Variants in SYT16 observed in about 807,000 individuals in gnomAD.
SYT16 encodes synaptotagmin-16.
In SYT16, 42 loss-of-function variants were observed where a neutral mutation model predicts 61.4. The observed-to-expected ratio is 0.68, with a 90% CI of 0.53 to 0.89. SYT16 has a LOEUF of 0.89. Ranked by LOEUF, SYT16 falls within the 40% of genes least tolerant of loss-of-function variation. SYT16 has a pLI of 0.00. For missense variants in SYT16, 804 were observed against 807.3 expected (o/e 1.00, Z 0.05); for synonymous variants, 314 against 302.3 (o/e 1.04, Z -0.40).
intron 1 of SYT16, among the ~76,000 whole-genome samples, chr14:61,836,763 G>T (rs2046143527): frequency 6.6e-6 from 1 of 152,196 alleles, no homozygotes; most frequent in African/African-American, 2.4e-5. Flanking sequence ...AAGCTTGTTA[G>T]CCATTCAGTC....
At chr14:62,112,777 T>G (rs17735280), downstream of SYT16, among the ~76,000 whole-genome samples, 1 of 152,078 alleles carries the variant, frequency 6.6e-6, no homozygotes, top group African/African-American at 2.4e-5. Flanking sequence ...GGTGAACACA[T>G]ATACAAATCA....
rs946312820 is a variant in SYT16, at chr14:61,999,074, A to AT, written c.523+2542dup. Reference sequence around the variant, plus strand: ...TAGTCTTTGCTAAAGATTTTTTTCCATTTTTTTTTTAGGGATATTGGTCTG... The same window carrying AT: ...TAGTCTTTGCTAAAGATTTTTTTCCATTTTTTTTTTTAGGGATATTGGTCTG... On this transcript the variant is annotated intron_variant, in intron 3 of 7. Coordinates refer to ENST00000683842, the MANE Select transcript of SYT16 (RefSeq NM_001367656.1). Among the ~76,000 whole-genome samples, 309 of 144,974 alleles carry AT rather than the reference A, an allele frequency of 2.1e-3. 1 individual carries two copies. Among genetic ancestry groups the AT allele is most frequent in the African/African-American group, 6.3e-3 (252 of 39,720 alleles).
At chr14:61,985,130 A>C (rs1016089498) in intron 2 of SYT16, among the ~76,000 whole-genome samples, 1 of 152,230 alleles carries the variant, frequency 6.6e-6, no homozygotes, top group African/African-American at 2.4e-5. Context: ...CTAACAGCCC[A>C]GTCATCAAGG....
chr14:61,997,258 A>G (rs1428376077), intron 3 of SYT16, among the ~76,000 whole-genome samples: 7 of 152,066 alleles, frequency 4.6e-5, no homozygotes, highest in Non-Finnish European at 1.0e-4. Flanking sequence ...AGGACATTCC[A>G]CCTGGTTAAG....
intron 1 of SYT16, chr14:61,865,187 G>T: frequency 8.7e-7 from 1 of 1,154,678 alleles, no homozygotes. Context: ...TCGTGTTTCT[G>T]TCACTGACTA....
At chr14:62,017,121 G>T (rs989392117) in intron 3 of SYT16, among the ~76,000 whole-genome samples, 5 of 152,042 alleles carry the variant, frequency 3.3e-5, no homozygotes, top group Non-Finnish European at 5.9e-5. Flanking sequence ...GAATTGCGGG[G>T]ATTTAAAAAA....
chr14:61,836,008 A>C (rs1476887428), intron 1 of SYT16, among the ~76,000 whole-genome samples: 1 of 152,328 alleles, frequency 6.6e-6, no homozygotes, highest in Non-Finnish European at 1.5e-5. Flanking sequence ...AACTTGTTAG[A>C]AATTTAATTA....
chr14:61,941,417 C>T (rs1356500243), intron 1 of SYT16, among the ~76,000 whole-genome samples: 3 of 152,210 alleles, frequency 2.0e-5, no homozygotes, highest in African/African-American at 4.8e-5. Context: ...GGAAGGGTGA[C>T]AGTTTCAGTT....
intron 3 of SYT16, among the ~76,000 whole-genome samples, chr14:62,014,700 C>T (rs2053595632): frequency 6.6e-6 from 1 of 152,090 alleles, no homozygotes; most frequent in Admixed American, 6.5e-5. Flanking sequence ...TCCCGAAGGG[C>T]TGGGATTACA....
At chr14:61,814,602 T>C (rs1365524472) in intron 1 of SYT16, among the ~76,000 whole-genome samples, 1 of 152,244 alleles carries the variant, frequency 6.6e-6, no homozygotes, top group Non-Finnish European at 1.5e-5. Context: ...AATCAAACTT[T>C]TGCCCATTGA....
intron 2 of SYT16, among the ~76,000 whole-genome samples, chr14:61,975,342 C>G (rs1487309278): frequency 6.6e-6 from 1 of 152,060 alleles, no homozygotes; most frequent in Non-Finnish European, 1.5e-5. Flanking sequence ...TAAACATTGC[C>G]TGACCCCAGT....
intron 3 of SYT16, among the ~76,000 whole-genome samples, chr14:62,037,168 T>C (rs2054543033): frequency 6.7e-6 from 1 of 149,100 alleles, no homozygotes; most frequent in Non-Finnish European, 1.5e-5. Context: ...GGTCCCCACT[T>C]GAAATGAATT....
intron 1 of SYT16, among the ~76,000 whole-genome samples, chr14:61,903,878 T>C (rs1049855465): frequency 1.3e-5 from 2 of 152,242 alleles, no homozygotes; most frequent in African/African-American, 2.4e-5. Flanking sequence ...GCTGGGATGC[T>C]GAAGGTGTTG....
At chr14:61,909,310 A>G (rs1274121189) in intron 1 of SYT16, among the ~76,000 whole-genome samples, 1 of 152,200 alleles carries the variant, frequency 6.6e-6, no homozygotes. Flanking sequence ...ACAAATTACC[A>G]CAAACTTGGT....
At chr14:61,816,434 G>T (rs954306677) in intron 1 of SYT16, among the ~76,000 whole-genome samples, 3 of 152,146 alleles carry the variant, frequency 2.0e-5, no homozygotes, top group Non-Finnish European at 4.4e-5. Context: ...GCTGAAAATG[G>T]ATGGAAAATC....
intron 1 of SYT16, among the ~76,000 whole-genome samples, chr14:61,823,964 A>G (rs954858718): frequency 6.6e-6 from 1 of 152,244 alleles, no homozygotes; most frequent in African/African-American, 2.4e-5. Flanking sequence ...AACTCTGAAC[A>G]CTATTTGTAA....
chr14:62,046,329 G>T (rs2054983616), intron 3 of SYT16, among the ~76,000 whole-genome samples: 1 of 152,092 alleles, frequency 6.6e-6, no homozygotes, highest in South Asian at 2.1e-4. Flanking sequence ...ATTTGTTTGA[G>T]TTCATTGTAG....
intron 1 of SYT16, among the ~76,000 whole-genome samples, chr14:61,953,710 T>A (rs530906951): frequency 6.6e-6 from 1 of 152,070 alleles, no homozygotes; most frequent in East Asian, 2.0e-4. Context: ...ATACCTTTGA[T>A]TGTCACTTCC....
intron 3 of SYT16, among the ~76,000 whole-genome samples, chr14:62,057,467 G>A (rs1371750151): frequency 1.3e-5 from 2 of 152,110 alleles, no homozygotes; most frequent in African/African-American, 2.4e-5. Flanking sequence ...GTAAGCTCTC[G>A]GCTGGATTTA....
Sources: gnomAD v4.1 joint callset for allele counts (sites outside exome capture counted in the v4.1 genomes callset) on GRCh38, gnomAD v4.1.1 for gene constraint, MANE v1.5 for transcripts, NCBI Gene and HGNC (gene_info 2026-07-23, HGNC 2026-07-21) for gene names.